Variants in NBEA observed in about 807,000 individuals in gnomAD.
The protein encoded by NBEA is neurobeachin.
Under a neutral mutation model 343.4 loss-of-function variants are expected in NBEA, and 44 were observed. That is an observed-to-expected ratio of 0.13 (90% CI 0.10 to 0.16). The LOEUF (loss-of-function observed/expected upper bound fraction) is 0.16, where lower values mean the gene tolerates loss of function less well. Ranked by LOEUF, NBEA falls within the 10% of genes least tolerant of loss-of-function variation. NBEA has a pLI of 1.00. For missense variants in NBEA, 2,555 were observed against 3,631.3 expected, an observed-to-expected ratio of 0.70 and a Z score of 7.62; for synonymous variants, 1,175 against 1,238.7, an observed-to-expected ratio of 0.95 and a Z score of 1.08.
chr13:35,123,461 G>C, intron 16 of NBEA, 21 bp from the exon 17 acceptor site: 3 of 1,371,516 alleles, frequency 2.2e-6, no homozygotes, highest in Non-Finnish European at 1.9e-6. Context: ...GTTTTTAAAA[G>C]ATAATTTATA....
chr13:34,985,797 T>G (rs907002908), intron 1 of NBEA, among the ~76,000 whole-genome samples: 2 of 150,996 alleles, frequency 1.3e-5, no homozygotes, highest in Non-Finnish European at 3.0e-5. Flanking sequence ...TATCCATTTC[T>G]TCTAGATTTT....
At chr13:35,618,620 ATTAAGT>A (rs2082844129) in intron 48 of NBEA, among the ~76,000 whole-genome samples, 1 of 152,248 alleles carries the variant, frequency 6.6e-6, no homozygotes, top group Non-Finnish European at 1.5e-5. Context: ...TTCTAAGGTC[ATTAAGT>A]TTATACGTCA....
chr13:35,088,312 A>G (rs1193666267), intron 10 of NBEA, among the ~76,000 whole-genome samples: 3 of 151,948 alleles, frequency 2.0e-5, no homozygotes, highest in Non-Finnish European at 2.9e-5. Flanking sequence ...AAAACTCAAT[A>G]TAGGGACTTT....
chr13:35,585,709 A>T (rs1486904098), intron 46 of NBEA, among the ~76,000 whole-genome samples: 2 of 152,034 alleles, frequency 1.3e-5, no homozygotes, highest in African/African-American at 4.8e-5. Flanking sequence ...GCATTTCAAT[A>T]AATGAACTCC....
In NBEA at chr13:35,280,902, A is replaced by T. The variant is rs560014072; in HGVS notation, c.5777-9487A>T. Among the ~76,000 whole-genome samples the T allele has an allele frequency of 2.6e-5, 4 of 152,082 alleles. No homozygotes were observed. In the East Asian group the frequency reaches 7.7e-4, roughly 29 times the overall value. ...CTGGATTCTGAGTAATAAAAGTACC[A>T]CTTACTTTTAGTTTATAATAGGTCT... On this transcript the variant is annotated intron_variant, in intron 34 of 58. Coordinates refer to ENST00000379939, the MANE Select transcript of NBEA (RefSeq NM_001385012.1).
intron 55 of NBEA, 42 bp downstream of exon 55, chr13:35,655,791 A>G: frequency 2.0e-6 from 3 of 1,522,428 alleles, no homozygotes; most frequent in Non-Finnish European, 2.7e-6. Flanking sequence ...ACTATAGTTT[A>G]TTTAAATATA....
Position 35,484,286 on chromosome 13 carries a change from A to ATG in NBEA, c.6585+11751_6585+11752insGT, listed in dbSNP as rs2076232080. On this transcript the variant is annotated intron_variant, in intron 41 of 58. Coordinates refer to ENST00000379939, the MANE Select transcript of NBEA (RefSeq NM_001385012.1). Reference sequence around the variant, plus strand: ...TGTGTGTGTGTGTGTATATATATATATATATATGTAGACCCTCACTAATTT... The same window carrying ATG: ...TGTGTGTGTGTGTGTATATATATATATGTATATATGTAGACCCTCACTAATTT... Among the ~76,000 whole-genome samples the ATG allele has an allele frequency of 4.7e-5, 7 of 149,868 alleles. No homozygotes were observed. In the Admixed American group the frequency reaches 4.7e-4, roughly 10 times the overall value.
rs1463500998 is a variant in NBEA, at chr13:35,366,557, A to G, written c.6179+14234A>G. ...TGATGTTTTAATATAGCTTTATTTT[A>G]CATTGTGTTTTTATTGTATTATATC... On this transcript the variant is annotated intron_variant, in intron 38 of 58. Coordinates refer to ENST00000379939, the MANE Select transcript of NBEA (RefSeq NM_001385012.1). Among the ~76,000 whole-genome samples, 5 of 151,268 alleles carry G rather than the reference A, an allele frequency of 3.3e-5. No homozygotes were observed. In the East Asian group the frequency reaches 9.6e-4, roughly 29 times the overall value.
chr13:35,500,114 T>C (rs1346056804), intron 41 of NBEA, among the ~76,000 whole-genome samples: 3 of 152,116 alleles, frequency 2.0e-5, no homozygotes, highest in Admixed American at 2.0e-4. Context: ...ATTGATTAGA[T>C]TTTTAACTTA....
At chr13:35,385,299 T>G (rs922693571) in intron 38 of NBEA, among the ~76,000 whole-genome samples, 2 of 152,212 alleles carry the variant, frequency 1.3e-5, no homozygotes, top group African/African-American at 4.8e-5. Context: ...ATTAGTTTTT[T>G]GCCTTGCTTT....
intron 55 of NBEA, among the ~76,000 whole-genome samples, chr13:35,656,285 A>C (rs941810308): frequency 2.6e-5 from 4 of 152,206 alleles, no homozygotes; most frequent in African/African-American, 9.6e-5. Flanking sequence ...AGGATTCCTC[A>C]AGTGATAGTT....
intron 11 of NBEA, among the ~76,000 whole-genome samples, chr13:35,101,188 A>G (rs891164103): frequency 6.6e-6 from 1 of 151,966 alleles, no homozygotes. Flanking sequence ...ATATGTGGAC[A>G]TATGTTTTTA....
intron 1 of NBEA, among the ~76,000 whole-genome samples, chr13:35,001,470 C>G (rs1464254998): frequency 6.6e-6 from 1 of 152,060 alleles, no homozygotes. Context: ...TATATGTGCA[C>G]AATGGAATAC....
intron 1 of NBEA, among the ~76,000 whole-genome samples, chr13:34,951,983 A>T (rs1050651894): frequency 6.6e-6 from 1 of 152,190 alleles, no homozygotes; most frequent in Non-Finnish European, 1.5e-5. Context: ...GGAATTGAAC[A>T]CAGCAGTGTC....
chr13:35,165,873 T>C (rs1295000688), intron 24 of NBEA, among the ~76,000 whole-genome samples: 1 of 151,766 alleles, frequency 6.6e-6, no homozygotes, highest in Non-Finnish European at 1.5e-5. Context: ...TTAGTAGTTA[T>C]GGGGTTTCAC....
At chr13:35,200,193 A>C (rs1423680750) in intron 31 of NBEA, among the ~76,000 whole-genome samples, 1 of 151,964 alleles carries the variant, frequency 6.6e-6, no homozygotes, top group Non-Finnish European at 1.5e-5. Context: ...ATCTCTTTAG[A>C]TAGATTGCTA....
chr13:35,605,148 T>C (rs967686562), intron 47 of NBEA, among the ~76,000 whole-genome samples: 5 of 152,190 alleles, frequency 3.3e-5, no homozygotes, highest in Non-Finnish European at 7.4e-5. Flanking sequence ...AAAACTGAGA[T>C]TCTTAAAAAG....
At chr13:35,180,743 C>T (rs1017050453) in intron 28 of NBEA, among the ~76,000 whole-genome samples, 20 of 151,706 alleles carry the variant, frequency 1.3e-4, no homozygotes, top group East Asian at 9.7e-4. Context: ...TCTTTAGTGG[C>T]GATTTGTGAG....
chr13:35,272,573 G>C (rs539573892), intron 34 of NBEA, among the ~76,000 whole-genome samples: 2 of 152,078 alleles, frequency 1.3e-5, no homozygotes, highest in Non-Finnish European at 2.9e-5. Flanking sequence ...ATTGGATAAA[G>C]AGTCAAGACC....
Sources: allele counts gnomAD v4.1 joint callset (sites outside exome capture counted in the v4.1 genomes callset), GRCh38; gene constraint gnomAD v4.1.1; transcripts MANE v1.5; gene names NCBI Gene and HGNC (gene_info 2026-07-23, HGNC 2026-07-21).